Variants in DNAH9 observed in about 807,000 individuals in gnomAD.
DNAH9 encodes dynein axonemal heavy chain 9.
A neutral mutation model predicts 471.6 loss-of-function variants in DNAH9; 345 were observed. The observed-to-expected ratio is 0.73, with a 90% CI of 0.67 to 0.80. The LOEUF is 0.80. DNAH9 is among the 30% of genes least tolerant of loss of function. The pLI, the probability that DNAH9 is intolerant of heterozygous loss-of-function variation, is 0.00. For missense variants in DNAH9, 5,407 were observed against 5,609.2 expected, an observed-to-expected ratio of 0.96 and a Z score of 1.15; for synonymous variants, 2,093 against 2,123.6, an observed-to-expected ratio of 0.99 and a Z score of 0.40.
rs942593300 is a variant in DNAH9, at chr17:11,744,815, C to G, written c.6130C>G (p.Leu2044Val). 1.9e-6 allele frequency: 3 copies of G among 1,613,590 alleles called. No individual in the cohort carries two copies. The African/African-American group carries it at 4.0e-5, about 22-fold the overall frequency. ...LSKQDHYDWG[L>V]RAIKSVLVVA... ...CCCACAGGATCACTACGACTGGGGC[C>G]TACGGGCCATCAAGTCCGTGCTGGT... The change falls in exon 31 of 69, where the codon CTA (leucine) becomes GTA (valine). Residue 2044 changes from leucine to valine, a missense_variant. Coordinates refer to ENST00000262442, the MANE Select transcript of DNAH9 (RefSeq NM_001372.4).
chr17:11,779,547 T>C (rs1968592233), intron 38 of DNAH9, among the ~76,000 whole-genome samples: 1 of 152,186 alleles, frequency 6.6e-6, no homozygotes, highest in African/African-American at 2.4e-5. Flanking sequence ...GGTTTTCTCC[T>C]CAACGATCCT....
rs372179336 is a variant in DNAH9 at position 11,914,176 on chromosome 17, T to C, written c.11749+8367T>C. Among the ~76,000 whole-genome samples the C allele has an allele frequency of 4.0e-4, 61 of 152,324 alleles. 1 individual carries two copies. The South Asian group carries it at 0.012, about 31-fold the overall frequency. On this transcript the variant is annotated intron_variant, in intron 61 of 68. Transcript: ENST00000262442. ...ACAGAGGTTCAAAACATGTCAAATT[T>C]CAGTTTGCTTTATAGGTGATGATAA...
In DNAH9 at chr17:11,915,583, A is replaced by G. The variant is rs187829918; in HGVS notation, c.11750-8231A>G. On this transcript the variant is annotated intron_variant, in intron 61 of 68. Coordinates refer to ENST00000262442, the MANE Select transcript of DNAH9 (RefSeq NM_001372.4). The stretch of plus-strand genomic sequence containing the variant: ...ACAAAAAACTTTCTAGTGACTTCCC[A>G]CTGGTATAGTCCAATATTAACATGA... Among the ~76,000 whole-genome samples the G allele has an allele frequency of 1.5e-3, 225 of 152,198 alleles. 3 individuals are homozygous for G. Among genetic ancestry groups the G allele is most frequent in the Non-Finnish European group, 4.4e-4 (30 of 67,996 alleles).
Position 11,689,588 on chromosome 17 carries a change from C to G in DNAH9, c.3766C>G (p.Gln1256Glu). The G allele has an allele frequency of 1.2e-6, 2 of 1,613,498 alleles. No homozygotes were observed. Among genetic ancestry groups the G allele is most frequent in the South Asian group, 2.2e-5 (2 of 90,990 alleles). The change falls in exon 20 of 69, where the codon CAA becomes GAA. Residue 1256 changes from glutamine to glutamate, a missense_variant. Gln to Glu is a conservative substitution (Grantham distance 29, BLOSUM62 2). This residue lies in a region of DNAH9 where 4,636 missense variants were observed against 4,900.3 expected (regional missense o/e 0.95). Transcript: ENST00000262442. Reference sequence around the variant, plus strand: ...TAGGTTTGATAGCATCCACCCTCATCAAATGCTGGATGCCAGGCACATCGA... The same window carrying G: ...TAGGTTTGATAGCATCCACCCTCATGAAATGCTGGATGCCAGGCACATCGA... ...PFRFDSIHPHQMLDARHIEIQ... is the reference protein window; with the variant it reads ...PFRFDSIHPHEMLDARHIEIQ...
At chr17:11,781,415 GA>G (rs1163243803) in intron 39 of DNAH9, among the ~76,000 whole-genome samples, 1 of 151,926 alleles carries the variant, frequency 6.6e-6, no homozygotes, top group East Asian at 1.9e-4. Context: ...CTCATCTAAG[GA>G]AAAAAAACCT....
At chr17:11,800,678 T>G (rs1567811234) in intron 43 of DNAH9, among the ~76,000 whole-genome samples, 1 of 152,172 alleles carries the variant, frequency 6.6e-6, no homozygotes, top group Non-Finnish European at 1.5e-5. Flanking sequence ...TGTAGTGAGG[T>G]GACCACACGT....
chr17:11,726,385 C>T (rs777708914), intron 27 of DNAH9, among the ~76,000 whole-genome samples: 3 of 152,160 alleles, frequency 2.0e-5, no homozygotes, highest in Admixed American at 6.5e-5. Context: ...GGCCCTTAAA[C>T]GCTAATACAA....
intron 24 of DNAH9, among the ~76,000 whole-genome samples, chr17:11,703,643 A>G (rs990219317): frequency 1.3e-5 from 2 of 152,252 alleles, no homozygotes; most frequent in African/African-American, 4.8e-5. Flanking sequence ...AATGCAAATC[A>G]TATTAACCAC....
At chr17:11,857,346 C>T (rs1399197758) in intron 50 of DNAH9, among the ~76,000 whole-genome samples, 1 of 152,182 alleles carries the variant, frequency 6.6e-6, no homozygotes, top group Non-Finnish European at 1.5e-5. Flanking sequence ...ACCTCCTCTC[C>T]ATCCTCCACT....
rs1440065264 is a variant in DNAH9 at position 11,845,865 on chromosome 17, T to C, written c.9508-8138T>C. 8.2e-3 allele frequency among the ~76,000 whole-genome samples: 1,167 copies of C among 142,528 alleles called. 5 individuals are homozygous for C. The highest frequency in any genetic ancestry group is 0.03 in the African/African-American group (1,089 of 36,668). The allele number at this position is 142,528 out of a possible 152,430, so 93.5% of individuals were successfully genotyped here. On this transcript the variant is annotated intron_variant, in intron 49 of 68. Transcript: ENST00000262442. ...TTTTGATGGGGTTGTTTTTTTCTTG[T>C]AAATTTGTTTGAGTTCATTGTAGAT...
At chr17:11,803,379 GGTGTGT>G (rs35385819) in intron 43 of DNAH9, among the ~76,000 whole-genome samples, 7,404 of 150,522 alleles carry the variant, frequency 0.049, 552 homozygotes, top group African/African-American at 0.17. Flanking sequence ...ATTCTCTAGG[GGTGTGT>G]GTGTGTGTGT....
chr17:11,787,357 C>G (rs912446513), intron 41 of DNAH9, among the ~76,000 whole-genome samples: 6 of 152,208 alleles, frequency 3.9e-5, no homozygotes, highest in Non-Finnish European at 8.8e-5. Flanking sequence ...CAATTTACAC[C>G]TCCTTTTAAG....
chr17:11,893,178 CAAAAA>C (rs58420771), intron 58 of DNAH9, among the ~76,000 whole-genome samples: 5 of 95,192 alleles, frequency 5.3e-5, no homozygotes, highest in African/African-American at 2.0e-4. Flanking sequence ...TTGGCCTTTG[CAAAAA>C]AAAAAAAAAA....
chr17:11,740,796 C>T (rs1307006637), intron 29 of DNAH9, among the ~76,000 whole-genome samples: 4 of 152,058 alleles, frequency 2.6e-5, no homozygotes, highest in African/African-American at 4.8e-5. Flanking sequence ...AACTAGTAAG[C>T]GGCAGAATGC....
At chr17:11,601,852 C>G (rs575159768) in intron 1 of DNAH9, among the ~76,000 whole-genome samples, 1 of 152,148 alleles carries the variant, frequency 6.6e-6, no homozygotes, top group Non-Finnish European at 1.5e-5. Flanking sequence ...GGCTGAGAGA[C>G]GTCTTCCTGC....
chr17:11,930,040 C>T lies in DNAH9; in HGVS notation c.12052C>T (p.Pro4018Ser), dbSNP rs1974455244. The T allele has an allele frequency of 1.9e-6, 3 of 1,613,746 alleles. No homozygotes were observed. The highest frequency in any genetic ancestry group is 2.2e-5 in the East Asian group (1 of 44,854). ...LENSIKITNEPPTGMHANLHK... is the reference protein window; with the variant it reads ...LENSIKITNESPTGMHANLHK... ...GAACTCCATTAAGATCACCAATGAG[C>T]CCCCCACGGGCATGCATGCCAACCT... Residue 4018 changes from proline to serine, a missense_variant, in exon 63 of 69, where the codon CCC becomes TCC. Physicochemically the swap from Pro to Ser is moderately conservative, Grantham distance 74. Transcript: ENST00000262442.
At chr17:11,811,041 G>C (rs1427581559) in intron 45 of DNAH9, among the ~76,000 whole-genome samples, 1 of 152,186 alleles carries the variant, frequency 6.6e-6, no homozygotes, top group East Asian at 1.9e-4. Flanking sequence ...CCCACAAAGT[G>C]AAAACTCACG....
At chr17:11,678,004 C>CTA (rs10544168) in intron 17 of DNAH9, among the ~76,000 whole-genome samples, 112 of 151,520 alleles carry the variant, frequency 7.4e-4, no homozygotes, top group African/African-American at 2.6e-3. Context: ...GCCCCAGGAA[C>CTA]TATATATATA....
chr17:11,936,355 C>T (rs1453410173), intron 65 of DNAH9, among the ~76,000 whole-genome samples: 10 of 152,156 alleles, frequency 6.6e-5, no homozygotes, highest in Admixed American at 1.3e-4. Flanking sequence ...CAGAGCCAGG[C>T]GCGGTGGCTC....
Sources: gnomAD v4.1 joint callset for allele counts (sites outside exome capture counted in the v4.1 genomes callset) on GRCh38, gnomAD v4.1.1 for gene constraint, gnomAD v4.1.1 regional missense constraint, MANE v1.5 for transcripts, NCBI Gene and HGNC (gene_info 2026-07-23, HGNC 2026-07-21) for gene names.